SAMD5: variants seen among roughly 807,000 people sequenced by gnomAD.
SAMD5 encodes sterile alpha motif domain containing 5, also known as sterile alpha motif domain-containing protein 5.
In SAMD5, 13 loss-of-function variants were observed where a neutral mutation model predicts 11.3. The observed-to-expected ratio is 1.15, with a 90% CI of 0.75 to 1.83. The LOEUF (loss-of-function observed/expected upper bound fraction) is 1.83, where lower values mean the gene tolerates loss of function less well. SAMD5 is among the 40% of genes most tolerant of loss of function. The pLI is 0.00. For synonymous variants in SAMD5, 129 were observed against 111.3 expected (o/e 1.16, Z -1.00); for missense variants, 255 against 239.1 (o/e 1.07, Z -0.44).
intron 1 of SAMD5, among the ~76,000 whole-genome samples, chr6:147,735,837 C>T (rs1478878910): frequency 6.6e-6 from 1 of 152,040 alleles, no homozygotes; most frequent in Non-Finnish European, 1.5e-5. Flanking sequence ...TTCATATGTT[C>T]AAGGAGTACT....
At chr6:147,751,569 A>G in the SAMD5 span, among the ~76,000 whole-genome samples, 2 of 152,218 alleles carry the variant, frequency 1.3e-5, no homozygotes, top group Non-Finnish European at 2.9e-5. Flanking sequence ...GGTTATAATT[A>G]ATGCATGCCG....
At position 147,711,880 on chromosome 6, in the gene SAMD5, A is replaced by G. The variant is rs1339921184; in HGVS notation, c.163-25437A>G. ...TAATTGCTTGCCAATCGAAAGCCCT[A>G]TTTACATAAACACCAGGGGCCCACT... On this transcript the variant is annotated intron_variant, in intron 1 of 1. Transcript: ENST00000566741. The surrounding 1 kb of genome is among the most constrained non-coding windows in gnomAD (Gnocchi z 4.1). Among the ~76,000 whole-genome samples, 3 of 152,164 alleles carry G rather than the reference A, an allele frequency of 2.0e-5. No individual in the cohort carries two copies. The highest frequency in any genetic ancestry group is 4.4e-5 in the Non-Finnish European group (3 of 68,026).
the SAMD5 span, among the ~76,000 whole-genome samples, chr6:147,844,802 TAAACTC>T: frequency 6.6e-6 from 1 of 152,068 alleles, no homozygotes; most frequent in African/African-American, 2.4e-5. Flanking sequence ...CTGAAAAAGA[TAAACTC>T]ATAAAGAGTA....
intron 1 of SAMD5, among the ~76,000 whole-genome samples, chr6:147,643,766 AAG>A (rs1790349953): frequency 6.7e-6 from 1 of 149,000 alleles, no homozygotes; most frequent in African/African-American, 2.5e-5. Context: ...GGAAGGAAGG[AAG>A]GAAGGAAGGA....
the SAMD5 span, among the ~76,000 whole-genome samples, chr6:147,825,952 G>C: frequency 6.6e-6 from 1 of 152,164 alleles, no homozygotes; most frequent in African/African-American, 2.4e-5. Context: ...TGTGTTTCCT[G>C]CTGGGTAATA....
At chr6:147,621,463 C>T (rs1168282918) in intron 1 of SAMD5, among the ~76,000 whole-genome samples, 3 of 78,318 alleles carry the variant, frequency 3.8e-5, no homozygotes, top group African/African-American at 6.6e-5. Flanking sequence ...ATGCTTACAG[C>T]TGCAGCCACT....
chr6:147,617,356 G>A (rs1789888445), intron 1 of SAMD5, among the ~76,000 whole-genome samples: 2 of 152,112 alleles, frequency 1.3e-5, no homozygotes, highest in South Asian at 4.1e-4. Context: ...CCATGCCCTT[G>A]GGCCTCAAAT....
intron 1 of SAMD5, among the ~76,000 whole-genome samples, chr6:147,732,268 G>A (rs1388638703): frequency 6.6e-6 from 1 of 152,094 alleles, no homozygotes; most frequent in Non-Finnish European, 1.5e-5. Flanking sequence ...CTAATCAAGC[G>A]TCTTGAAAGG....
At chr6:147,831,878 G>T in the SAMD5 span, among the ~76,000 whole-genome samples, 3 of 152,124 alleles carry the variant, frequency 2.0e-5, no homozygotes, top group Non-Finnish European at 4.4e-5. Flanking sequence ...TTTTGATTTG[G>T]TAGAATATCT....
chr6:147,802,949 A>G, the SAMD5 span, among the ~76,000 whole-genome samples: 1 of 152,188 alleles, frequency 6.6e-6, no homozygotes, highest in South Asian at 2.1e-4. Context: ...TTATGTGTTG[A>G]CTGGTTGTGT....
the SAMD5 span, among the ~76,000 whole-genome samples, chr6:147,809,620 G>A: frequency 1.2e-4 from 18 of 152,296 alleles, no homozygotes; most frequent in East Asian, 1.9e-3. Flanking sequence ...AATGTGGGGC[G>A]GTGTTCTTCA....
chr6:147,704,584 G>A (rs967811194), intron 1 of SAMD5, among the ~76,000 whole-genome samples: 4 of 152,136 alleles, frequency 2.6e-5, no homozygotes, highest in Non-Finnish European at 4.4e-5. Context: ...ACAGGTAGTG[G>A]GGGTGTGGAG....
At chr6:147,764,111 T>C in the SAMD5 span, among the ~76,000 whole-genome samples, 1 of 152,234 alleles carries the variant, frequency 6.6e-6, no homozygotes, top group African/African-American at 2.4e-5. Context: ...GTAATTCTGG[T>C]ATACAATGCA....
chr6:147,510,348 C>A (rs371911319), intron 1 of SAMD5, among the ~76,000 whole-genome samples: 1 of 152,154 alleles, frequency 6.6e-6, no homozygotes, highest in Non-Finnish European at 1.5e-5. Context: ...AGGCGGCTGT[C>A]GGAGTAGAGG....
chr6:147,731,057 T>C (rs573282608), intron 1 of SAMD5, among the ~76,000 whole-genome samples: 7 of 152,316 alleles, frequency 4.6e-5, no homozygotes, highest in African/African-American at 1.7e-4. Context: ...AGTAACTCAG[T>C]CTTCACCACC....
intron 1 of SAMD5, among the ~76,000 whole-genome samples, chr6:147,600,069 G>C (rs988839649): frequency 2.0e-5 from 3 of 152,132 alleles, no homozygotes; most frequent in African/African-American, 7.2e-5. Flanking sequence ...TGGTTTGGGA[G>C]TGAGGGCCAC....
the SAMD5 span, among the ~76,000 whole-genome samples, chr6:147,745,591 T>C: frequency 6.6e-6 from 1 of 152,110 alleles, no homozygotes; most frequent in South Asian, 2.1e-4. Context: ...CTGCTGTCCA[T>C]CCAGAGTGGG....
At chr6:147,747,892 G>A in the SAMD5 span, among the ~76,000 whole-genome samples, 2 of 152,074 alleles carry the variant, frequency 1.3e-5, no homozygotes, top group Non-Finnish European at 2.9e-5. Flanking sequence ...GTTTCCAAAA[G>A]TAATTGTTTT....
intron 1 of SAMD5, among the ~76,000 whole-genome samples, chr6:147,515,523 CCCATTCATCCATCCAT>C (rs1788156697): frequency 6.6e-6 from 1 of 151,618 alleles, no homozygotes; most frequent in Non-Finnish European, 1.5e-5. Context: ...CATCCATCTA[CCCATTCATCCATCCAT>C]CCTTCCCTTT....
Sources: allele counts gnomAD v4.1 joint callset (sites outside exome capture counted in the v4.1 genomes callset), GRCh38; gene constraint gnomAD v4.1.1; non-coding constraint Gnocchi (gnomAD v3.1); transcripts MANE v1.5; gene names NCBI Gene and HGNC (gene_info 2026-07-23, HGNC 2026-07-21).